The following NOVA1 variants were observed in gnomAD, a reference collection of about 807,000 sequenced individuals.
The protein encoded by NOVA1 is NOVA alternative splicing regulator 1, also known as RNA-binding protein Nova-1.
In NOVA1, 7 loss-of-function variants were observed where a neutral mutation model predicts 38.0. The observed-to-expected ratio is 0.18, with a 90% CI of 0.10 to 0.35. NOVA1 has a LOEUF of 0.35. Ranked by LOEUF, NOVA1 falls within the 10% of genes least tolerant of loss-of-function variation. The probability of loss-of-function intolerance (pLI) is 1.00; values close to 1 mark genes in which losing one functional copy is unlikely to be tolerated. For missense variants in NOVA1, 460 were observed against 616.0 expected (o/e 0.75, Z 2.68); for synonymous variants, 270 against 232.5 (o/e 1.16, Z -1.47).
At chr14:26,504,611 G>C (rs909018975) in intron 2 of NOVA1, among the ~76,000 whole-genome samples, 1 of 152,080 alleles carries the variant, frequency 6.6e-6, no homozygotes, top group Non-Finnish European at 1.5e-5. Context: ...TTATGCTTTT[G>C]TAAAATCTTA....
chr14:26,563,244 C>T (rs561212462), intron 2 of NOVA1, among the ~76,000 whole-genome samples: 4 of 151,298 alleles, frequency 2.6e-5, no homozygotes, highest in East Asian at 2.0e-4. Context: ...AGAGCAGAAG[C>T]AACCTTAAGG....
intron 2 of NOVA1, among the ~76,000 whole-genome samples, chr14:26,523,705 T>A (rs986975691): frequency 6.6e-6 from 1 of 151,918 alleles, no homozygotes; most frequent in Non-Finnish European, 1.5e-5. Context: ...TTCCTTGATA[T>A]ATCATTCTTT....
chr14:26,532,482 T>C (rs1390151674), intron 2 of NOVA1, among the ~76,000 whole-genome samples: 5 of 152,118 alleles, frequency 3.3e-5, no homozygotes, highest in Non-Finnish European at 7.4e-5. Flanking sequence ...GTCAAATCTA[T>C]AGTGACAGAA....
rs1388857684 is a variant in NOVA1 at position 26,485,793 on chromosome 14, ATAAT to A, written c.281-5654_281-5651del. Among the ~76,000 whole-genome samples the A allele has an allele frequency of 3.3e-5, 5 of 152,292 alleles. No individual in the cohort carries two copies. The East Asian group carries it at 9.6e-4, about 29-fold the overall frequency. On this transcript the variant is annotated intron_variant, in intron 2 of 4. Coordinates refer to ENST00000539517, the MANE Select transcript of NOVA1 (RefSeq NM_002515.3). ...CAGTATCTTATGAAAGAATACAGAC[ATAAT>A]TATTTAGGAAATATTAATGTTAGTG...
chr14:26,515,913 A>G (rs1044099910), intron 2 of NOVA1, among the ~76,000 whole-genome samples: 9 of 152,064 alleles, frequency 5.9e-5, no homozygotes, highest in Non-Finnish European at 1.0e-4. Context: ...CAAAATCATA[A>G]GTGTATATCT....
chr14:26,595,295 T>G (rs747089315), intron 2 of NOVA1, 115 bp downstream of exon 2: 1 of 1,000,372 alleles, frequency 1.0e-6, no homozygotes, highest in Non-Finnish European at 1.5e-6. Context: ...TAAAGCAATA[T>G]CTAAATAAAG....
chr14:26,523,987 G>A (rs537949846), intron 2 of NOVA1, among the ~76,000 whole-genome samples: 56 of 152,028 alleles, frequency 3.7e-4, no homozygotes, highest in African/African-American at 1.4e-3. Flanking sequence ...TCCTGACCTC[G>A]TGATCTGCCC....
chr14:26,465,295 C>G (rs931014123), intron 4 of NOVA1, among the ~76,000 whole-genome samples: 1 of 152,130 alleles, frequency 6.6e-6, no homozygotes, highest in African/African-American at 2.4e-5. Flanking sequence ...CTCCCTCAGC[C>G]TCCTGAGCAG....
At chr14:26,482,344 C>G (rs1885538570) in intron 2 of NOVA1, among the ~76,000 whole-genome samples, 1 of 152,070 alleles carries the variant, frequency 6.6e-6, no homozygotes. Flanking sequence ...CTCAGAAATG[C>G]TACAATCCTC....
At position 26,448,898 on chromosome 14, in the gene NOVA1, C is replaced by T. The variant is rs766157249; in HGVS notation, c.585G>A (p.Lys195=). ...LIIGKGGATV[K]AVMEQSGAWV... is the part of the protein sequence containing the mutation. ...AAGCCCCTGACTGCTCCATTACAGC[C>T]TTCACAGTAGCACCTCCCTTCCCTA... Residue 195 remains lysine (K), a synonymous_variant, in exon 5 of 5, where the codon AAG becomes AAA. Transcript: ENST00000539517. This position sits in a 1 kb window ranked among gnomAD's most constrained non-coding sequence, Gnocchi z 5.3. The T allele has an allele frequency of 1.2e-6, 2 of 1,614,114 alleles. No individual in the cohort carries two copies. The highest frequency in any genetic ancestry group is 1.7e-6 in the Non-Finnish European group (2 of 1,180,028).
chr14:26,596,120 C>G (rs1894171263), intron 1 of NOVA1: 1 of 230,302 alleles, frequency 4.3e-6, no homozygotes, highest in Non-Finnish European at 8.8e-6. Flanking sequence ...TATTCCAAGT[C>G]TTCAATAACT....
chr14:26,560,921 G>T (rs796425108), intron 2 of NOVA1, among the ~76,000 whole-genome samples: 8 of 152,220 alleles, frequency 5.3e-5, no homozygotes, highest in African/African-American at 1.9e-4. Flanking sequence ...ATACTAACAT[G>T]TCCAGTGTCC....
At chr14:26,545,220 T>C (rs1268021904) in intron 2 of NOVA1, among the ~76,000 whole-genome samples, 2 of 151,964 alleles carry the variant, frequency 1.3e-5, no homozygotes, top group African/African-American at 2.4e-5. Flanking sequence ...CATGCAATAA[T>C]TGCTGAAAAG....
At chr14:26,570,825 A>C (rs1892431094) in intron 2 of NOVA1, among the ~76,000 whole-genome samples, 1 of 152,116 alleles carries the variant, frequency 6.6e-6, no homozygotes, top group Admixed American at 6.5e-5. Context: ...ACCCCTAATA[A>C]AGTATTCCAA....
intron 4 of NOVA1, among the ~76,000 whole-genome samples, chr14:26,468,521 C>T (rs1199621650): frequency 6.6e-6 from 1 of 152,088 alleles, no homozygotes; most frequent in Non-Finnish European, 1.5e-5. Context: ...ATGTGTGTTG[C>T]TTAAGCCACT....
intron 2 of NOVA1, among the ~76,000 whole-genome samples, chr14:26,541,232 A>G (rs1395634331): frequency 6.6e-6 from 1 of 152,084 alleles, no homozygotes; most frequent in Admixed American, 6.6e-5. Context: ...GAGACGCATA[A>G]AAACCAAGTA....
At chr14:26,474,374 T>C (rs1279479932) in intron 3 of NOVA1, among the ~76,000 whole-genome samples, 1 of 152,050 alleles carries the variant, frequency 6.6e-6, no homozygotes, top group African/African-American at 2.4e-5. Flanking sequence ...AGGTCTTAAC[T>C]GCAAAGAACC....
intron 2 of NOVA1, among the ~76,000 whole-genome samples, chr14:26,536,447 G>T (rs543910159): frequency 6.6e-6 from 1 of 152,002 alleles, no homozygotes; most frequent in East Asian, 1.9e-4. Flanking sequence ...CAGATTGCAT[G>T]CCTGTATCAA....
chr14:26,481,558 A>G (rs1356745255), intron 2 of NOVA1, among the ~76,000 whole-genome samples: 1 of 152,110 alleles, frequency 6.6e-6, no homozygotes, highest in Non-Finnish European at 1.5e-5. Context: ...TCATATTTTA[A>G]ACAATGAAAA....
Sources: allele counts gnomAD v4.1 joint callset (sites outside exome capture counted in the v4.1 genomes callset), GRCh38; gene constraint gnomAD v4.1.1; non-coding constraint Gnocchi (gnomAD v3.1); transcripts MANE v1.5; gene names NCBI Gene and HGNC (gene_info 2026-07-23, HGNC 2026-07-21).